Variants in DENND1B observed in about 807,000 individuals in gnomAD.
DENND1B encodes the protein DENN domain containing 1B.
A neutral mutation model predicts 90.1 loss-of-function variants in DENND1B; 59 were observed. That is an observed-to-expected ratio of 0.65 (90% confidence interval 0.53 to 0.81). DENND1B has a LOEUF of 0.81. Among genes scored for constraint, DENND1B ranks in the 40% least tolerant of loss-of-function variants. DENND1B has a pLI of 0.00. For missense variants in DENND1B, 862 were observed against 912.6 expected, an observed-to-expected ratio of 0.94 and a Z score of 0.71; for synonymous variants, 337 against 324.6, an observed-to-expected ratio of 1.04 and a Z score of -0.41.
rs910963722 is a variant in DENND1B at position 197,509,131 on chromosome 1, A to G, written c.*1329T>C. The G allele has an allele frequency of 7.3e-5, 11 of 151,704 alleles. No homozygotes were observed. The highest frequency in any genetic ancestry group is 2.7e-4 in the African/African-American group (11 of 41,356). The allele number at this position is 151,704 out of a possible 1,614,324, so 9.4% of individuals were successfully genotyped here. ...CAGTACGTACCCTTGATATGACCTG[A>G]TGAAAATGGCACTTTACTTCTGTGA... On this transcript the variant is annotated 3_prime_UTR_variant, in exon 23 of 23. Coordinates refer to ENST00000620048, the MANE Select transcript of DENND1B (RefSeq NM_001195215.2).
chr1:197,555,753 G>T (rs1318321591), intron 15 of DENND1B, among the ~76,000 whole-genome samples: 1 of 152,124 alleles, frequency 6.6e-6, no homozygotes, highest in Admixed American at 6.6e-5. Context: ...TACACTGTCG[G>T]TGAGAGTGCA....
rs80153810 is a variant in DENND1B at position 197,700,864 on chromosome 1, C to T, written c.126+14167G>A. Among the ~76,000 whole-genome samples, 811 of 152,236 alleles carry T rather than the reference C, an allele frequency of 5.3e-3. 10 individuals carry two copies. The highest frequency in any genetic ancestry group is 0.018 in the African/African-American group (755 of 41,530). On this transcript the variant is annotated intron_variant, in intron 3 of 22. Coordinates refer to ENST00000620048, the MANE Select transcript of DENND1B (RefSeq NM_001195215.2). ...AACATCACTGATCACCACAGAAATGCAAATCAAAACCACAATGGGATACCA... is the reference window on the plus strand; with the variant it reads ...AACATCACTGATCACCACAGAAATGTAAATCAAAACCACAATGGGATACCA...
chr1:197,707,335 GGTGTTCTA>G (rs1386431589), intron 3 of DENND1B, among the ~76,000 whole-genome samples: 5 of 151,866 alleles, frequency 3.3e-5, no homozygotes, highest in African/African-American at 1.2e-4. Context: ...TAGGAGGAAT[GGTGTTCTA>G]GTGTTCTATA....
intron 9 of DENND1B, among the ~76,000 whole-genome samples, chr1:197,643,189 T>G (rs1301851125): frequency 6.6e-6 from 1 of 151,976 alleles, no homozygotes; most frequent in East Asian, 1.9e-4. Context: ...TTTTTCTTTT[T>G]TGTCACCCAG....
chr1:197,560,654 C>T (rs1439488430), intron 15 of DENND1B, among the ~76,000 whole-genome samples: 1 of 151,788 alleles, frequency 6.6e-6, no homozygotes, highest in Non-Finnish European at 1.5e-5. Flanking sequence ...AGGCCTGTGG[C>T]AGGCTCCATG....
chr1:197,572,836 A>C (rs934941879), intron 15 of DENND1B, among the ~76,000 whole-genome samples: 2 of 152,208 alleles, frequency 1.3e-5, no homozygotes, highest in African/African-American at 4.8e-5. Flanking sequence ...CCTGACTGTT[A>C]GAAGGAAAAC....
At chr1:197,550,375 G>T (rs1466749333) in intron 16 of DENND1B, among the ~76,000 whole-genome samples, 1 of 152,106 alleles carries the variant, frequency 6.6e-6, no homozygotes, top group Non-Finnish European at 1.5e-5. Flanking sequence ...GTGTGACCTT[G>T]AGTAAATTAT....
At chr1:197,597,430 A>T (rs1675806273) in intron 13 of DENND1B, among the ~76,000 whole-genome samples, 1 of 148,510 alleles carries the variant, frequency 6.7e-6, no homozygotes, top group South Asian at 2.1e-4. Context: ...TTTAGAAAAT[A>T]AAAAAAAATT....
chr1:197,692,236 C>T, intron 3 of DENND1B, among the ~76,000 whole-genome samples: 1 of 151,830 alleles, frequency 6.6e-6, no homozygotes, highest in Admixed American at 6.6e-5. Context: ...AGCCTTCTAA[C>T]TAGTCTCTAT....
At chr1:197,640,309 C>T (rs1680157507) in intron 10 of DENND1B, among the ~76,000 whole-genome samples, 1 of 151,694 alleles carries the variant, frequency 6.6e-6, no homozygotes, top group African/African-American at 2.4e-5. Context: ...CCCGTCTCTA[C>T]TAAAAATACA....
intron 15 of DENND1B, among the ~76,000 whole-genome samples, chr1:197,577,535 G>A (rs1489485497): frequency 6.6e-6 from 1 of 152,176 alleles, no homozygotes; most frequent in Non-Finnish European, 1.5e-5. Flanking sequence ...TAGCCATGGT[G>A]AATGTATGGT....
chr1:197,514,831 AATAAG>A, intron 20 of DENND1B, among the ~76,000 whole-genome samples: 1 of 151,802 alleles, frequency 6.6e-6, no homozygotes, highest in Non-Finnish European at 1.5e-5. Context: ...TTTTTGGCAC[AATAAG>A]ATGTCTCATT....
At chr1:197,664,069 T>C (rs1484599126) in intron 5 of DENND1B, among the ~76,000 whole-genome samples, 2 of 151,894 alleles carry the variant, frequency 1.3e-5, no homozygotes, top group African/African-American at 4.8e-5. Context: ...TATAAGCTTA[T>C]GTTGCTAGAG....
At chr1:197,586,937 T>G (rs1674752042) in intron 14 of DENND1B, among the ~76,000 whole-genome samples, 1 of 152,138 alleles carries the variant, frequency 6.6e-6, no homozygotes, top group Non-Finnish European at 1.5e-5. Context: ...AGATGAGGGT[T>G]GAACACAGTT....
At chr1:197,557,505 G>C (rs527790414) in intron 15 of DENND1B, among the ~76,000 whole-genome samples, 1 of 151,862 alleles carries the variant, frequency 6.6e-6, no homozygotes, top group African/African-American at 2.4e-5. Context: ...CTAACCTTGT[G>C]ATTTGAGCCA....
intron 2 of DENND1B, chr1:197,735,856 G>T (rs528595144): frequency 6.3e-7 from 1 of 1,595,584 alleles, no homozygotes; most frequent in African/African-American, 1.3e-5. Context: ...AGAACTTGCC[G>T]AGCAGTCAAA....
chr1:197,715,138 G>A, intron 2 of DENND1B, 64 bp from the exon 3 acceptor site: 2 of 1,343,936 alleles, frequency 1.5e-6, no homozygotes, highest in South Asian at 2.7e-5. Context: ...GAACAGTCTT[G>A]GTTAAACACT....
In DENND1B at chr1:197,636,094, T is replaced by G. The variant is rs574059307; in HGVS notation, c.672+6617A>C. 2.7e-4 allele frequency among the ~76,000 whole-genome samples: 41 copies of G among 152,234 alleles called. 1 individual carries two copies. The South Asian group carries it at 8.5e-3, about 32-fold the overall frequency. The stretch of plus-strand genomic sequence containing the variant: ...AAGTTTAGAATCAGATAATGGATAG[T>G]TTTTTACCAGACTTAGCAGTTTATA... On this transcript the variant is annotated intron_variant, in intron 10 of 22. Coordinates refer to ENST00000620048, the MANE Select transcript of DENND1B (RefSeq NM_001195215.2).
intron 2 of DENND1B, among the ~76,000 whole-genome samples, chr1:197,763,776 G>A (rs1036514902): frequency 5.9e-5 from 9 of 152,142 alleles, no homozygotes; most frequent in African/African-American, 2.2e-4. Flanking sequence ...CCTAAGCAAT[G>A]AGCTGAATTA....
Sources: gnomAD v4.1 joint callset for allele counts (sites outside exome capture counted in the v4.1 genomes callset) on GRCh38, gnomAD v4.1.1 for gene constraint, MANE v1.5 for transcripts, NCBI Gene and HGNC (gene_info 2026-07-23, HGNC 2026-07-21) for gene names.